Variants in CA10 observed in about 807,000 individuals in gnomAD.
CA10 encodes carbonic anhydrase-related protein 10.
CA10 carries 14 observed loss-of-function variants against 44.2 expected under a neutral mutation model. The observed-to-expected ratio is 0.32, with a 90% CI of 0.21 to 0.50. The LOEUF is 0.50. Ranked by LOEUF, CA10 falls within the 20% of genes least tolerant of loss-of-function variation. The pLI is 0.99. For synonymous variants in CA10, 159 were observed against 141.6 expected, an observed-to-expected ratio of 1.12 and a Z score of -0.87; for missense variants, 350 against 409.7, an observed-to-expected ratio of 0.85 and a Z score of 1.26.
chr17:52,086,946 A>AT (rs1385578483), intron 1 of CA10, among the ~76,000 whole-genome samples: 4 of 152,034 alleles, frequency 2.6e-5, no homozygotes, highest in Non-Finnish European at 5.9e-5. Context: ...ATTGACCCAT[A>AT]TTTTGTCTTG....
intron 4 of CA10, among the ~76,000 whole-genome samples, chr17:51,687,678 A>C (rs1385137801): frequency 6.6e-6 from 1 of 152,220 alleles, no homozygotes; most frequent in Non-Finnish European, 1.5e-5. Flanking sequence ...AATAGAAACA[A>C]CTTGCTTATA....
chr17:51,825,171 A>C (rs981625836), intron 3 of CA10, among the ~76,000 whole-genome samples: 2 of 152,202 alleles, frequency 1.3e-5, no homozygotes, highest in African/African-American at 4.8e-5. Context: ...GCCTCGCTGC[A>C]TTTTCCTGTT....
chr17:51,691,616 A>G (rs1268640093), intron 4 of CA10, among the ~76,000 whole-genome samples: 1 of 147,636 alleles, frequency 6.8e-6, no homozygotes, highest in Admixed American at 6.6e-5. Context: ...TTTTGTGTTC[A>G]TATATAAAAA....
intron 3 of CA10, among the ~76,000 whole-genome samples, chr17:51,846,351 G>A (rs1978492286): frequency 6.6e-6 from 1 of 152,198 alleles, no homozygotes; most frequent in African/African-American, 2.4e-5. Context: ...CACACCCCTT[G>A]GGTGAATAGA....
intron 3 of CA10, among the ~76,000 whole-genome samples, chr17:51,792,225 A>G (rs542549180): frequency 7.2e-5 from 11 of 152,344 alleles, no homozygotes; most frequent in African/African-American, 2.4e-4. Flanking sequence ...AGCAATGAAG[A>G]CAGCAAATGG....
At chr17:51,787,364 G>T (rs896866121) in intron 3 of CA10, among the ~76,000 whole-genome samples, 5 of 152,074 alleles carry the variant, frequency 3.3e-5, no homozygotes, top group African/African-American at 1.2e-4. Flanking sequence ...AATGTTGGTA[G>T]GTTGTATGTG....
intron 3 of CA10, among the ~76,000 whole-genome samples, chr17:51,881,557 A>G (rs1310581647): frequency 6.6e-6 from 1 of 152,186 alleles, no homozygotes; most frequent in Non-Finnish European, 1.5e-5. Flanking sequence ...CATAAAGTAT[A>G]AAAACATAAA....
chr17:52,008,976 G>C (rs562774904), intron 2 of CA10, among the ~76,000 whole-genome samples: 2 of 151,880 alleles, frequency 1.3e-5, no homozygotes, highest in Non-Finnish European at 2.9e-5. Context: ...TTGGTGCCTA[G>C]TACATTGCCT....
intron 2 of CA10, among the ~76,000 whole-genome samples, chr17:51,960,526 A>C (rs1480134408): frequency 6.6e-6 from 1 of 152,048 alleles, no homozygotes. Context: ...TTACATATAG[A>C]AAAAAATAAT....
intron 3 of CA10, among the ~76,000 whole-genome samples, chr17:51,923,985 A>G (rs1026720887): frequency 1.3e-5 from 2 of 152,172 alleles, no homozygotes; most frequent in African/African-American, 4.8e-5. Context: ...GGAGCTCTTA[A>G]TCTAAGGGCT....
chr17:52,100,759 T>C (rs1448416032), intron 1 of CA10, among the ~76,000 whole-genome samples: 1 of 152,090 alleles, frequency 6.6e-6, no homozygotes, highest in African/African-American at 2.4e-5. Flanking sequence ...ATCTCAAATA[T>C]ATCACCCCCA....
intron 2 of CA10, among the ~76,000 whole-genome samples, chr17:52,040,344 T>C (rs1239062125): frequency 1.3e-5 from 2 of 151,840 alleles, no homozygotes; most frequent in Non-Finnish European, 2.9e-5. Flanking sequence ...TTATTACAGG[T>C]ATTAGGACCC....
At chr17:51,793,853 C>A (rs983845006) in intron 3 of CA10, among the ~76,000 whole-genome samples, 1 of 152,158 alleles carries the variant, frequency 6.6e-6, no homozygotes, top group Admixed American at 6.5e-5. Flanking sequence ...TATCATTTAC[C>A]TACCTGCTGT....
At chr17:51,696,465 G>T (rs1006500326) in intron 4 of CA10, among the ~76,000 whole-genome samples, 1 of 151,946 alleles carries the variant, frequency 6.6e-6, no homozygotes. Context: ...GTGCTTACTT[G>T]GATCTTCTCT....
At chr17:51,682,388 G>A (rs140249100) in intron 4 of CA10, among the ~76,000 whole-genome samples, 6 of 152,210 alleles carry the variant, frequency 3.9e-5, no homozygotes, top group African/African-American at 1.4e-4. Context: ...TTATCTCAGG[G>A]GATGTGGTTT....
rs112079417 is a variant in CA10, at chr17:51,848,868, G to A, written c.279+82122C>T. ...TCTTGACCAGCCAGGGCAAAATCGC[G>A]AGACCCTGTTTCTAAAATAATAATA... On this transcript the variant is annotated intron_variant, in intron 3 of 8. Transcript: ENST00000451037. Among the ~76,000 whole-genome samples the A allele has an allele frequency of 6.8e-4, 104 of 152,010 alleles. 1 individual carries two copies. The highest frequency in any genetic ancestry group is 3.4e-3 in the Middle Eastern group (1 of 292).
chr17:51,744,965 A>G (rs1206545811), intron 4 of CA10, among the ~76,000 whole-genome samples: 3 of 152,234 alleles, frequency 2.0e-5, no homozygotes, highest in Non-Finnish European at 1.5e-5. Flanking sequence ...TTGGAAAGAA[A>G]TGTGATACGA....
intron 3 of CA10, chr17:51,761,175 G>C (rs762923351): frequency 6.6e-6 from 1 of 152,096 alleles, no homozygotes; most frequent in African/African-American, 2.4e-5. Flanking sequence ...GAATAAATTA[G>C]GCATCTAATG....
chr17:52,098,053 C>A (rs1988449381), intron 1 of CA10, among the ~76,000 whole-genome samples: 1 of 152,134 alleles, frequency 6.6e-6, no homozygotes, highest in South Asian at 2.1e-4. Flanking sequence ...GGACCTTATG[C>A]CTGTGCTGCA....
Sources: allele counts gnomAD v4.1 joint callset (sites outside exome capture counted in the v4.1 genomes callset), GRCh38; gene constraint gnomAD v4.1.1; transcripts MANE v1.5; gene names NCBI Gene and HGNC (gene_info 2026-07-23, HGNC 2026-07-21).